The following CASP6 variants were observed in gnomAD, a reference collection of about 807,000 sequenced individuals.
The protein encoded by CASP6 is caspase-6.
In CASP6, 20 loss-of-function variants were observed where a neutral mutation model predicts 31.8. The observed-to-expected ratio is 0.63, with a 90% CI of 0.44 to 0.91. The LOEUF (loss-of-function observed/expected upper bound fraction) is 0.91. Among genes scored for constraint, CASP6 ranks in the 40% least tolerant of loss-of-function variants. The probability of loss-of-function intolerance (pLI) is 0.00; values close to 1 mark genes in which losing one functional copy is unlikely to be tolerated. For synonymous variants in CASP6, 130 were observed against 127.8 expected (o/e 1.02, Z -0.12); for missense variants, 328 against 361.1 (o/e 0.91, Z 0.74).
intron 6 of CASP6, among the ~76,000 whole-genome samples, chr4:109,690,155 C>T (rs1259254611): frequency 7.3e-5 from 11 of 150,150 alleles, no homozygotes; most frequent in Admixed American, 4.0e-4. Context: ...ACTGCACTCC[C>T]GCCTGGGCAA....
At chr4:109,695,248 T>C (rs985074166) in intron 4 of CASP6, among the ~76,000 whole-genome samples, 3 of 152,192 alleles carry the variant, frequency 2.0e-5, no homozygotes, top group Non-Finnish European at 2.9e-5. Context: ...TTCAGAGTAA[T>C]AGAGTTTGAC....
upstream of CASP6, among the ~76,000 whole-genome samples, chr4:109,705,307 G>A (rs1730564776): frequency 6.6e-6 from 1 of 152,190 alleles, no homozygotes; most frequent in African/African-American, 2.4e-5. Context: ...CCACTGTTGA[G>A]CTCTAGTGCT....
At chr4:109,676,022 G>T in the CASP6 span, among the ~76,000 whole-genome samples, 1 of 152,198 alleles carries the variant, frequency 6.6e-6, no homozygotes. Context: ...ATTGGTACCA[G>T]AAGTGGGGCT....
chr4:109,673,797 G>A, the CASP6 span: 24 of 645,854 alleles, frequency 3.7e-5, no homozygotes, highest in African/African-American at 1.5e-4. Flanking sequence ...GCCGGTTGGC[G>A]GGTGAGAGGT....
chr4:109,684,643 A>G (rs538146669), downstream of CASP6: 3 of 1,399,330 alleles, frequency 2.1e-6, no homozygotes, highest in African/African-American at 4.3e-5. Context: ...TAGTCACTCG[A>G]CAGGTGAGTA....
chr4:109,669,493 G>A, the CASP6 span, among the ~76,000 whole-genome samples: 1 of 151,894 alleles, frequency 6.6e-6, no homozygotes, highest in Non-Finnish European at 1.5e-5. Context: ...ATACGTATGT[G>A]TAGTTTTCTC....
chr4:109,694,570 G>T lies in CASP6; in HGVS notation c.438C>A (p.Asp146Glu), dbSNP rs1730176926. Residue 146 changes from aspartate to glutamate, a missense_variant, in exon 5 of 7, where the codon GAC becomes GAA. Coordinates refer to ENST00000265164, the MANE Select transcript of CASP6 (RefSeq NM_001226.4). Reference protein sequence around the residue: ...IQTLTGLFKGDKCHSLVGKPK... With the variant: ...IQTLTGLFKGEKCHSLVGKPK... ...GTTTTCCAACCAGGCTGTGACACTT[G>T]TCTCCTTTGAACAAGCCAGTTAATG... 1.2e-6 allele frequency: 2 copies of T among 1,609,884 alleles called. No homozygotes were observed. The highest frequency in any genetic ancestry group is 4.5e-5 in the East Asian group (2 of 44,746).
At chr4:109,683,952 G>A (rs1202617756), downstream of CASP6, among the ~76,000 whole-genome samples, 1 of 152,068 alleles carries the variant, frequency 6.6e-6, no homozygotes, top group Non-Finnish European at 1.5e-5. Context: ...TTATTAGTGA[G>A]CTGATTTGAA....
intron 1 of CASP6, among the ~76,000 whole-genome samples, chr4:109,703,117 G>C (rs942662615): frequency 6.6e-6 from 1 of 152,142 alleles, no homozygotes; most frequent in Non-Finnish European, 1.5e-5. Flanking sequence ...GTCGCTACTC[G>C]GGACCGCCAG....
chr4:109,686,952 G>C (rs931735875), downstream of CASP6, among the ~76,000 whole-genome samples: 1 of 150,528 alleles, frequency 6.6e-6, no homozygotes, highest in Admixed American at 6.6e-5. Flanking sequence ...AAGATAAAGT[G>C]GTAGGTTAAG....
the CASP6 span, among the ~76,000 whole-genome samples, chr4:109,709,597 C>T: frequency 2.0e-5 from 3 of 151,942 alleles, no homozygotes; most frequent in Non-Finnish European, 4.4e-5. Flanking sequence ...AGAAATGTGC[C>T]AAAAGATTTT....
intron 5 of CASP6, among the ~76,000 whole-genome samples, chr4:109,694,104 G>A (rs1161370604): frequency 1.3e-5 from 2 of 152,162 alleles, no homozygotes; most frequent in African/African-American, 4.8e-5. Context: ...AATGTGAAAG[G>A]GATGAGACAG....
chr4:109,706,168 T>TATATATATATATACATAC (rs1438834395), upstream of CASP6, among the ~76,000 whole-genome samples: 7 of 92,470 alleles, frequency 7.6e-5, no homozygotes, highest in African/African-American at 3.1e-4. Context: ...TATATATATA[T>TATATATATATATACATAC]ATACACACAC....
chr4:109,674,539 T>A, the CASP6 span, among the ~76,000 whole-genome samples: 2 of 152,242 alleles, frequency 1.3e-5, no homozygotes, highest in Admixed American at 1.3e-4. Context: ...GCGTGTTTTG[T>A]GGACTGGCTG....
intron 5 of CASP6, among the ~76,000 whole-genome samples, chr4:109,694,272 C>G (rs1730169152): frequency 6.6e-6 from 1 of 152,140 alleles, no homozygotes; most frequent in Non-Finnish European, 1.5e-5. Context: ...CAGGCTCGGA[C>G]AGGGAGTAGC....
At chr4:109,701,761 G>T (rs1333845887) in intron 1 of CASP6, among the ~76,000 whole-genome samples, 1 of 152,146 alleles carries the variant, frequency 6.6e-6, no homozygotes, top group Non-Finnish European at 1.5e-5. Context: ...TGATGCCTTA[G>T]ATACCTTATC....
chr4:109,706,131 T>TTATATATATATATATATA (rs58847180), upstream of CASP6, among the ~76,000 whole-genome samples: 25 of 36,084 alleles, frequency 6.9e-4, no homozygotes, highest in Admixed American at 1.2e-3. Flanking sequence ...CCTATCCATT[T>TTATATATATATATATATA]TATATATATA....
At chr4:109,697,536 G>T in intron 3 of CASP6, 86 bp downstream of exon 3, 2 of 1,464,284 alleles carry the variant, frequency 1.4e-6, no homozygotes, top group South Asian at 1.5e-5. Flanking sequence ...CAAAGTGCTG[G>T]GATTACCAGC....
intron 4 of CASP6, among the ~76,000 whole-genome samples, chr4:109,695,987 AC>A (rs961758514): frequency 6.1e-4 from 93 of 152,242 alleles, no homozygotes; most frequent in African/African-American, 2.0e-3. Flanking sequence ...TAGAATACCT[AC>A]CCCCTATTGA....
Sources: gnomAD v4.1 joint callset for allele counts (sites outside exome capture counted in the v4.1 genomes callset) on GRCh38, gnomAD v4.1.1 for gene constraint, MANE v1.5 for transcripts, NCBI Gene and HGNC (gene_info 2026-07-23, HGNC 2026-07-21) for gene names.